Variants in ANKRD17 observed in about 807,000 individuals in gnomAD.
ANKRD17 encodes the protein ankyrin repeat domain 17.
ANKRD17 carries 19 observed loss-of-function variants against 229.7 expected under a neutral mutation model. The observed-to-expected ratio is 0.08, with a 90% CI of 0.06 to 0.12. The LOEUF (loss-of-function observed/expected upper bound fraction) is 0.12. ANKRD17 is among the 10% of genes least tolerant of loss of function. The pLI is 1.00. For missense variants in ANKRD17, 2,176 were observed against 3,176.8 expected, an observed-to-expected ratio of 0.68 and a Z score of 7.57; for synonymous variants, 1,112 against 1,146.1, an observed-to-expected ratio of 0.97 and a Z score of 0.60.
chr4:73,191,819 C>T (rs1323266690), intron 1 of ANKRD17, among the ~76,000 whole-genome samples: 1 of 151,854 alleles, frequency 6.6e-6, no homozygotes, highest in Non-Finnish European at 1.5e-5. Context: ...CTAATGTTTT[C>T]AAGGATAATT....
In ANKRD17 at chr4:73,076,271, G is replaced by C. The variant is rs1302857328; in HGVS notation, c.7772C>G (p.Ala2591Gly). 1.2e-6 allele frequency: 2 copies of C among 1,610,712 alleles called. No homozygotes were observed. Among genetic ancestry groups the C allele is most frequent in the Non-Finnish European group, 1.7e-6 (2 of 1,178,384 alleles). Reference sequence around the variant, plus strand: ...CATATGCACACTGTTCATGTGAGGTGCCCAGGGTCCAGTCCACACCTATGA... The same window carrying C: ...CATATGCACACTGTTCATGTGAGGTCCCCAGGGTCCAGTCCACACCTATGA... ...GPQTVWTGPW[A>G]PHMNSVHMNQ... is the part of the protein sequence containing the mutation. Residue 2591 changes from alanine (A) to glycine (G), a missense_variant, in exon 34 of 34, where the codon GCA (alanine) becomes GGA (glycine). This residue lies in a region of ANKRD17 where 159 missense variants were observed against 214.3 expected (regional missense o/e 0.74). Transcript: ENST00000358602.
chr4:73,075,807 T>G lies in ANKRD17; in HGVS notation c.*424A>C, dbSNP rs905826005. The G allele has an allele frequency of 6.4e-6, 1 of 155,698 alleles. No individual in the cohort carries two copies. The highest frequency in any genetic ancestry group is 1.4e-5 in the Non-Finnish European group (1 of 70,134). 9.6% of individuals were successfully genotyped at this position (155,698 alleles called of 1,614,324 possible). ...GCCTCTATACTGACATATTGAAATT[T>G]ACTTTCTGCTTAGCCTTTTCTGTTA... On this transcript the variant is annotated 3_prime_UTR_variant, in exon 34 of 34. Coordinates refer to ENST00000358602, the MANE Select transcript of ANKRD17 (RefSeq NM_032217.5).
chr4:73,216,289 T>C (rs1741028254), intron 1 of ANKRD17, among the ~76,000 whole-genome samples: 1 of 152,192 alleles, frequency 6.6e-6, no homozygotes, highest in Admixed American at 6.5e-5. Flanking sequence ...TTTTTAAATT[T>C]TTCTTTCAAC....
intron 1 of ANKRD17, among the ~76,000 whole-genome samples, chr4:73,229,955 T>C (rs1009217780): frequency 3.1e-4 from 47 of 152,220 alleles, no homozygotes; most frequent in African/African-American, 1.1e-3. Context: ...AAGTAATCCA[T>C]CATATTAAAA....
chr4:73,089,183 A>G (rs1317085906), intron 29 of ANKRD17, among the ~76,000 whole-genome samples: 1 of 151,564 alleles, frequency 6.6e-6, no homozygotes, highest in Non-Finnish European at 1.5e-5. Flanking sequence ...GACTACAGGT[A>G]TGCACCACCA....
Position 73,075,878 on chromosome 4 carries a change from A to G in ANKRD17, c.*353T>C. On this transcript the variant is annotated 3_prime_UTR_variant, in exon 34 of 34. Transcript: ENST00000358602. ...TTTGCCATTCTAAAACTTCAGGATC[A>G]AGTTTACATAATTTTGCTAAATTTC... is the stretch of plus-strand genomic sequence containing the variant. 5.5e-6 allele frequency: 1 copy of G among 183,324 alleles called. No individual in the cohort carries two copies. Among genetic ancestry groups the G allele is most frequent in the Non-Finnish European group, 1.1e-5 (1 of 88,526 alleles). The allele number at this position is 183,324 out of a possible 1,614,324, so 11.4% of individuals were successfully genotyped here. A position where few individuals can be genotyped will look rare whatever the true frequency, so the allele number is the denominator to read the frequency against.
At chr4:73,254,487 A>C (rs1384255071) in intron 1 of ANKRD17, among the ~76,000 whole-genome samples, 7 of 152,112 alleles carry the variant, frequency 4.6e-5, no homozygotes, top group Non-Finnish European at 1.0e-4. Context: ...CTAAGATTGC[A>C]GTGCGCAGTG....
chr4:73,239,478 T>C (rs1743810551), intron 1 of ANKRD17, among the ~76,000 whole-genome samples: 1 of 152,198 alleles, frequency 6.6e-6, no homozygotes, highest in Non-Finnish European at 1.5e-5. Flanking sequence ...TAACTATATG[T>C]GTATTAACGT....
At chr4:73,206,551 A>G (rs1002520952) in intron 1 of ANKRD17, among the ~76,000 whole-genome samples, 3 of 152,150 alleles carry the variant, frequency 2.0e-5, no homozygotes, top group Admixed American at 6.5e-5. Context: ...CACTGTGCTC[A>G]ATGAAACAAG....
chr4:73,111,045 G>A (rs1253974974), intron 24 of ANKRD17, among the ~76,000 whole-genome samples: 1 of 152,172 alleles, frequency 6.6e-6, no homozygotes, highest in East Asian at 1.9e-4. Context: ...TATTCTGCAA[G>A]TATCTACTAA....
chr4:73,256,378 GC>G lies in ANKRD17; in HGVS notation c.393+1897del, dbSNP rs1745454950. ...TATCATAACCTTGCTCTAAACCAGA[GC>G]TTAATAGTTTCACGAGAATTTAAAA... is the stretch of plus-strand genomic sequence containing the variant. On this transcript the variant is annotated intron_variant, in intron 1 of 33. Transcript: ENST00000358602. Among the ~76,000 whole-genome samples the G allele has an allele frequency of 2.0e-5, 3 of 152,284 alleles. No homozygotes were observed. The South Asian group carries it at 6.2e-4, about 32-fold the overall frequency.
chr4:73,097,034 G>C, intron 27 of ANKRD17, 83 bp downstream of exon 27: 3 of 1,463,718 alleles, frequency 2.0e-6, no homozygotes, highest in South Asian at 2.7e-5. Flanking sequence ...CTTTAGAAGA[G>C]TAGGAGGAAT....
intron 2 of ANKRD17, among the ~76,000 whole-genome samples, chr4:73,164,070 C>T (rs1165307817): frequency 2.6e-5 from 4 of 152,110 alleles, no homozygotes; most frequent in Admixed American, 2.6e-4. Flanking sequence ...AAAAGTCATA[C>T]TATATTCTGA....
chr4:73,089,353 A>AT (rs985815665), intron 29 of ANKRD17, among the ~76,000 whole-genome samples: 9 of 151,094 alleles, frequency 6.0e-5, no homozygotes, highest in Admixed American at 2.0e-4. Flanking sequence ...AAAAAAAAAA[A>AT]TTTTTTTTTA....
chr4:73,076,163 T>G lies in ANKRD17; in HGVS notation c.*68A>C. On this transcript the variant is annotated 3_prime_UTR_variant, in exon 34 of 34. Transcript: ENST00000358602. ...AGTAGAATGATTTGGGAGCATAATT[T>G]TTTTTTTCGGCCACTTGTGATTTCC... 1 of 1,440,750 alleles carries G rather than the reference T, an allele frequency of 6.9e-7. No individual in the cohort carries two copies. The highest frequency in any genetic ancestry group is 9.5e-7 in the Non-Finnish European group (1 of 1,051,696). 89.2% of individuals were successfully genotyped at this position (1,440,750 alleles called of 1,614,324 possible).
intron 1 of ANKRD17, among the ~76,000 whole-genome samples, chr4:73,186,883 A>G (rs1022990553): frequency 6.6e-6 from 1 of 152,196 alleles, no homozygotes; most frequent in African/African-American, 2.4e-5. Context: ...AGCCTGCTCC[A>G]GGAATTATCA....
rs1232834857 is a variant in ANKRD17, at chr4:73,077,229, A to G, written c.7588-125T>C. The G allele has an allele frequency of 3.8e-6, 5 of 1,314,264 alleles. No homozygotes were observed. In the African/African-American group the frequency reaches 7.5e-5, roughly 20 times the overall value. 81.4% of individuals were successfully genotyped at this position (1,314,264 alleles called of 1,614,324 possible). ...CCTGGGAATGTGTAACTTATCTAAG[A>G]AATCTAAAAATTATTACCCATTATA... On this transcript the variant is annotated intron_variant, in intron 32 of 33. Coordinates refer to ENST00000358602, the MANE Select transcript of ANKRD17 (RefSeq NM_032217.5).
intron 3 of ANKRD17, among the ~76,000 whole-genome samples, chr4:73,157,761 A>C (rs1332924161): frequency 6.6e-6 from 1 of 152,168 alleles, no homozygotes; most frequent in Non-Finnish European, 1.5e-5. Flanking sequence ...GGCTCTTTTC[A>C]ACAAGGCAAC....
At chr4:73,115,722 G>T in intron 23 of ANKRD17, 99 bp downstream of exon 23, 1 of 827,278 alleles carries the variant, frequency 1.2e-6, no homozygotes, top group Non-Finnish European at 1.9e-6. Context: ...AATGAAAATG[G>T]CTACATATTA....
Sources: gnomAD v4.1 joint callset for allele counts (sites outside exome capture counted in the v4.1 genomes callset) on GRCh38, gnomAD v4.1.1 for gene constraint, gnomAD v4.1.1 regional missense constraint, MANE v1.5 for transcripts, NCBI Gene and HGNC (gene_info 2026-07-23, HGNC 2026-07-21) for gene names.